The following PRKCA variants were observed in gnomAD, a reference collection of about 807,000 sequenced individuals.
The protein encoded by PRKCA is protein kinase C alpha.
PRKCA carries 27 observed loss-of-function variants against 87.0 expected under a neutral mutation model. The ratio of observed to expected loss-of-function variants is 0.31; its 90% CI spans 0.23 to 0.43. The LOEUF (loss-of-function observed/expected upper bound fraction) is 0.43, where lower values mean the gene tolerates loss of function less well. PRKCA is among the 20% of genes least tolerant of loss of function. The pLI, the probability that PRKCA is intolerant of heterozygous loss-of-function variation, is 1.00. For missense variants in PRKCA, 518 were observed against 852.3 expected, an observed-to-expected ratio of 0.61 and a Z score of 4.88; for synonymous variants, 329 against 311.1, an observed-to-expected ratio of 1.06 and a Z score of -0.61.
At chr17:66,773,817 C>T (rs867678359) in intron 13 of PRKCA, among the ~76,000 whole-genome samples, 170 bp from the exon 14 acceptor site, 11 of 152,000 alleles carry the variant, frequency 7.2e-5, no homozygotes, top group African/African-American at 2.4e-4. Flanking sequence ...GATAGTTCTC[C>T]GTGTGTCTGA....
chr17:66,367,501 C>T (rs1225659063), intron 2 of PRKCA, among the ~76,000 whole-genome samples: 2 of 152,208 alleles, frequency 1.3e-5, no homozygotes, highest in African/African-American at 4.8e-5. Context: ...AAGTCTTAGA[C>T]GTTTGGAACT....
chr17:66,683,220 G>T (rs985010564), intron 5 of PRKCA, among the ~76,000 whole-genome samples: 21 of 152,154 alleles, frequency 1.4e-4, no homozygotes, highest in African/African-American at 5.1e-4. Context: ...AAACAATCTT[G>T]GTTTTCTGTT....
intron 3 of PRKCA, among the ~76,000 whole-genome samples, chr17:66,510,192 A>C (rs1917162547): frequency 6.6e-6 from 1 of 152,192 alleles, no homozygotes; most frequent in Admixed American, 6.5e-5. Context: ...AATATCTGTG[A>C]AATGTTTCCT....
chr17:66,764,839 G>A (rs993076055), intron 13 of PRKCA, among the ~76,000 whole-genome samples: 1 of 152,164 alleles, frequency 6.6e-6, no homozygotes, highest in Non-Finnish European at 1.5e-5. Context: ...AGCCCACATT[G>A]GCCCACAAGT....
chr17:66,362,472 G>A (rs748872885), intron 2 of PRKCA, among the ~76,000 whole-genome samples: 3 of 152,134 alleles, frequency 2.0e-5, no homozygotes, highest in Non-Finnish European at 2.9e-5. Context: ...ATTGTCCCAC[G>A]ATTTCCAATG....
At chr17:66,710,691 C>T (rs563187807) in intron 8 of PRKCA, among the ~76,000 whole-genome samples, 55 of 152,108 alleles carry the variant, frequency 3.6e-4, no homozygotes, top group African/African-American at 1.2e-3. Context: ...TCTTAATCAC[C>T]CAGAGAATAG....
chr17:66,531,654 T>C (rs967752663), intron 3 of PRKCA, among the ~76,000 whole-genome samples: 2 of 152,282 alleles, frequency 1.3e-5, no homozygotes, highest in Non-Finnish European at 2.9e-5. Context: ...AAATCACCTT[T>C]TGGTGGCCTC....
chr17:66,395,376 G>A (rs1242248008), intron 2 of PRKCA, among the ~76,000 whole-genome samples: 1 of 152,178 alleles, frequency 6.6e-6, no homozygotes, highest in Non-Finnish European at 1.5e-5. Context: ...TGTTCATAAT[G>A]TTACCATTAT....
At chr17:66,342,361 G>A (rs1255112055) in intron 2 of PRKCA, among the ~76,000 whole-genome samples, 1 of 151,836 alleles carries the variant, frequency 6.6e-6, no homozygotes, top group African/African-American at 2.4e-5. Flanking sequence ...GGCGGAGGTT[G>A]CAGTGAGCCG....
intron 5 of PRKCA, among the ~76,000 whole-genome samples, chr17:66,648,859 G>A (rs550150531): frequency 1.6e-4 from 24 of 152,166 alleles, no homozygotes; most frequent in Non-Finnish European, 2.1e-4. Flanking sequence ...TTGGGAGGCC[G>A]AGGCGGGTGG....
chr17:66,336,945 C>A (rs1206050783), intron 2 of PRKCA, among the ~76,000 whole-genome samples: 1 of 151,922 alleles, frequency 6.6e-6, no homozygotes, highest in Admixed American at 6.6e-5. Context: ...CCCGCCACCA[C>A]GTCCAGCTAA....
chr17:66,465,908 C>G (rs1162329103), intron 2 of PRKCA, among the ~76,000 whole-genome samples: 1 of 148,984 alleles, frequency 6.7e-6, no homozygotes, highest in Non-Finnish European at 1.5e-5. Context: ...TAAGATTTGA[C>G]TTTTTTTTTT....
chr17:66,385,682 C>T (rs1269131823), intron 2 of PRKCA, among the ~76,000 whole-genome samples: 3 of 152,106 alleles, frequency 2.0e-5, no homozygotes, highest in South Asian at 2.1e-4. Flanking sequence ...GCCAACACAG[C>T]GAGACTCTTC....
At chr17:66,550,708 C>T (rs1296058751) in intron 3 of PRKCA, among the ~76,000 whole-genome samples, 2 of 152,160 alleles carry the variant, frequency 1.3e-5, no homozygotes, top group East Asian at 1.9e-4. Flanking sequence ...TTCTCCAGTG[C>T]GGGCAAAGGA....
intron 5 of PRKCA, among the ~76,000 whole-genome samples, chr17:66,654,753 C>T (rs904970144): frequency 5.9e-5 from 9 of 152,208 alleles, no homozygotes; most frequent in African/African-American, 1.4e-4. Flanking sequence ...TCCTCACTTC[C>T]GCAGACCCTG....
chr17:66,692,211 T>G (rs1001841618), intron 8 of PRKCA, among the ~76,000 whole-genome samples: 1 of 152,218 alleles, frequency 6.6e-6, no homozygotes, highest in East Asian at 1.9e-4. Context: ...AGCATCTACA[T>G]GAACTGCATT....
At position 66,562,210 on chromosome 17, in the gene PRKCA, A is replaced by G. The variant is rs1292097897; in HGVS notation, c.288+65927A>G. On this transcript the variant is annotated intron_variant, in intron 3 of 16. Coordinates refer to ENST00000413366, the MANE Select transcript of PRKCA (RefSeq NM_002737.3). ...TTATATATAAAATTAAATATATATA[A>G]TTAAATTATATATAATTATATATAT... 9.3e-5 allele frequency among the ~76,000 whole-genome samples: 13 copies of G among 139,368 alleles called. 2 individuals carry two copies. The South Asian group carries it at 1.5e-3, about 16-fold the overall frequency. 91.4% of individuals were successfully genotyped at this position (139,368 alleles called of 152,430 possible). A position where few individuals can be genotyped will look rare whatever the true frequency, so the allele number is the denominator to read the frequency against.
chr17:66,794,290 C>G (rs1347419077), intron 16 of PRKCA, among the ~76,000 whole-genome samples: 1 of 152,158 alleles, frequency 6.6e-6, no homozygotes, highest in Non-Finnish European at 1.5e-5. Flanking sequence ...CAATGACCCA[C>G]AGCAAGAGCC....
At chr17:66,552,357 T>C (rs1968362722) in intron 3 of PRKCA, among the ~76,000 whole-genome samples, 1 of 152,242 alleles carries the variant, frequency 6.6e-6, no homozygotes, top group Admixed American at 6.5e-5. Context: ...CCCTAAAATG[T>C]CGTGGCTTAA....
Sources: allele counts gnomAD v4.1 joint callset (sites outside exome capture counted in the v4.1 genomes callset), GRCh38; gene constraint gnomAD v4.1.1; transcripts MANE v1.5; gene names NCBI Gene and HGNC (gene_info 2026-07-23, HGNC 2026-07-21).